The following KLHL4 variants were observed in gnomAD, a reference collection of about 807,000 sequenced individuals.
The protein encoded by KLHL4 is kelch like family member 4.
Under a neutral mutation model 45.8 loss-of-function variants are expected in KLHL4, and 17 were observed. The ratio of observed to expected loss-of-function variants is 0.37; its 90% CI spans 0.25 to 0.56. The LOEUF (loss-of-function observed/expected upper bound fraction) is 0.56, where lower values mean the gene tolerates loss of function less well. Ranked by LOEUF, KLHL4 falls within the 20% of genes least tolerant of loss-of-function variation. The pLI is 0.79. For synonymous variants in KLHL4, 224 were observed against 189.9 expected, an observed-to-expected ratio of 1.18 and a Z score of -1.47; for missense variants, 544 against 544.9, an observed-to-expected ratio of 1.00 and a Z score of 0.02.
intron 1 of KLHL4, among the ~76,000 whole-genome samples, chrX:87,576,801 G>A (rs1921114893): frequency 9.0e-6 from 1 of 110,638 alleles, no homozygotes; most frequent in African/African-American, 3.3e-5. Flanking sequence ...TTTTTTATGA[G>A]GACTCTCTCT....
At chrX:87,655,673 T>TA (rs1045850340) in intron 9 of KLHL4, among the ~76,000 whole-genome samples, 3 of 111,688 alleles carry the variant, frequency 2.7e-5, no homozygotes, top group Non-Finnish European at 3.8e-5. Context: ...ATTTAATCCA[T>TA]ATACAGTCAT....
chrX:87,602,043 A>C (rs1922035160), intron 1 of KLHL4, among the ~76,000 whole-genome samples: 1 of 111,208 alleles, frequency 9.0e-6, no homozygotes, highest in Non-Finnish European at 1.9e-5. Context: ...TTAATAAATA[A>C]AATTAAAAAT....
intron 1 of KLHL4, among the ~76,000 whole-genome samples, chrX:87,545,524 C>T (rs1931658338): frequency 9.0e-6 from 1 of 111,677 alleles, no homozygotes; most frequent in Non-Finnish European, 1.9e-5. Context: ...TGAGGTCTTC[C>T]CAGCCATGCA....
rs1325109646 is a variant in KLHL4 at position 87,668,818 on chromosome X, CCAGATATGGCCTCTCAACCT to C, written c.*2289_*2308del. The stretch of plus-strand genomic sequence containing the variant: ...AGCTCTTACCAACAAGAAGGCCATC[CCAGATATGGCCTCTCAACCT>C]CAGACTTCTCAGCCTGCCTAACTGT... On this transcript the variant is annotated 3_prime_UTR_variant, in exon 11 of 11. Transcript: ENST00000373119. The C allele has an allele frequency of 6.4e-6, 2 of 311,203 alleles. No individual in the cohort carries two copies. The highest frequency in any genetic ancestry group is 8.5e-6 in the Non-Finnish European group (2 of 236,210). 25.6% of individuals were successfully genotyped at this position (311,203 alleles called of 1,213,427 possible).
intron 9 of KLHL4, among the ~76,000 whole-genome samples, chrX:87,638,103 T>G (rs1923327571): frequency 1.8e-5 from 2 of 111,249 alleles, no homozygotes; most frequent in Non-Finnish European, 3.8e-5. Context: ...TGTCAGAGCT[T>G]GAAGACAAGT....
chrX:87,590,093 C>A, intron 1 of KLHL4, among the ~76,000 whole-genome samples: 1 of 106,323 alleles, frequency 9.4e-6, no homozygotes, highest in South Asian at 4.1e-4. Flanking sequence ...TGACTATACA[C>A]AATAATAACT....
At chrX:87,664,641 T>G in intron 9 of KLHL4, 123 bp from the exon 10 acceptor site, 2 of 467,414 alleles carry the variant, frequency 4.3e-6, no homozygotes, top group Non-Finnish European at 7.1e-6. Context: ...AATCTACATT[T>G]GATATTTGTA....
At chrX:87,654,451 A>AT (rs2147838398) in intron 9 of KLHL4, among the ~76,000 whole-genome samples, 1 of 107,340 alleles carries the variant, frequency 9.3e-6, no homozygotes, top group African/African-American at 3.4e-5. Context: ...TTAAAACATG[A>AT]TTTTTTATGG....
chrX:87,639,509 A>G (rs1923378542), intron 9 of KLHL4, among the ~76,000 whole-genome samples: 1 of 111,431 alleles, frequency 9.0e-6, no homozygotes, highest in African/African-American at 3.3e-5. Context: ...TTTATCAAGT[A>G]CTCTGTCAGA....
chrX:87,651,497 G>T (rs1233574671), intron 9 of KLHL4, among the ~76,000 whole-genome samples: 1 of 112,560 alleles, frequency 8.9e-6, no homozygotes, highest in Non-Finnish European at 1.9e-5. Context: ...AGATACAGTG[G>T]TGGTACAGGC....
At chrX:87,659,959 A>AGTGTGTGTGTGTGTGT (rs113545604) in intron 9 of KLHL4, among the ~76,000 whole-genome samples, 1 of 103,480 alleles carries the variant, frequency 9.7e-6, no homozygotes, top group African/African-American at 3.5e-5. Flanking sequence ...TGCGCGTATG[A>AGTGTGTGTGTGTGTGT]GTGTGTGTGT....
intron 1 of KLHL4, among the ~76,000 whole-genome samples, chrX:87,561,048 C>G (rs12391711): frequency 9.0e-6 from 1 of 110,803 alleles, no homozygotes; most frequent in Non-Finnish European, 1.9e-5. Flanking sequence ...TATGAAACTG[C>G]TAGAAAAAAA....
intron 1 of KLHL4, among the ~76,000 whole-genome samples, chrX:87,612,484 C>A (rs774011883): frequency 9.0e-6 from 1 of 111,518 alleles, no homozygotes; most frequent in Admixed American, 9.6e-5. Context: ...TAGGCTAGGT[C>A]ATGTAGCTTT....
intron 1 of KLHL4, among the ~76,000 whole-genome samples, chrX:87,602,546 G>A (rs951905867): frequency 8.0e-5 from 9 of 111,919 alleles, no homozygotes; most frequent in African/African-American, 2.6e-4. Context: ...TAAAAGTACA[G>A]TAACATGTTG....
At chrX:87,627,355 T>C (rs866773988) in intron 6 of KLHL4, among the ~76,000 whole-genome samples, 2 of 108,656 alleles carry the variant, frequency 1.8e-5, no homozygotes, top group South Asian at 3.9e-4. Context: ...GGAAAGGGGA[T>C]AGAAAAAAAA....
chrX:87,534,951 G>A (rs1201501979), intron 1 of KLHL4, among the ~76,000 whole-genome samples: 1 of 111,889 alleles, frequency 8.9e-6, no homozygotes, highest in Non-Finnish European at 1.9e-5. Flanking sequence ...ATAAAGTGGA[G>A]AAGAAAGTTT....
chrX:87,530,271 CTT>C (rs1335567538), intron 1 of KLHL4, among the ~76,000 whole-genome samples: 2 of 102,019 alleles, frequency 2.0e-5, no homozygotes, highest in Non-Finnish European at 4.0e-5. Context: ...ACATTTAAGT[CTT>C]TTTTTTTTTA....
At chrX:87,551,704 C>A (rs1437030686) in intron 1 of KLHL4, among the ~76,000 whole-genome samples, 1 of 111,463 alleles carries the variant, frequency 9.0e-6, no homozygotes, top group African/African-American at 3.3e-5. Context: ...TAAAAATAGA[C>A]ACATAGACCA....
chrX:87,667,938 A>T lies in KLHL4; in HGVS notation c.*1404A>T. On this transcript the variant is annotated 3_prime_UTR_variant, in exon 11 of 11. Coordinates refer to ENST00000373119, the MANE Select transcript of KLHL4 (RefSeq NM_019117.5). ...AATAAACTTTATTTCCTCTCACTAT[A>T]GTGTGGCTTTAGAATATATCAAGTA... 1.4e-6 allele frequency: 1 copy of T among 695,527 alleles called. No homozygotes were observed. Among genetic ancestry groups the T allele is most frequent in the Non-Finnish European group, 1.7e-6 (1 of 585,536 alleles). The allele number at this position is 695,527 out of a possible 1,213,427, so 57.3% of individuals were successfully genotyped here. A position where few individuals can be genotyped will look rare whatever the true frequency, so the allele number is the denominator to read the frequency against.
Sources: allele counts gnomAD v4.1 joint callset (sites outside exome capture counted in the v4.1 genomes callset), GRCh38; gene constraint gnomAD v4.1.1; transcripts MANE v1.5; gene names NCBI Gene and HGNC (gene_info 2026-07-23, HGNC 2026-07-21).